The following AKR1D1 variants were observed in gnomAD, a reference collection of about 807,000 sequenced individuals.
AKR1D1 encodes the protein delta(4)-3-ketosteroid 5-beta-reductase.
In AKR1D1, 32 loss-of-function variants were observed where a neutral mutation model predicts 42.6. The observed-to-expected ratio is 0.75, with a 90% confidence interval of 0.57 to 1.01. AKR1D1 has a LOEUF of 1.01. Ranked by LOEUF, AKR1D1 falls within the 50% of genes least tolerant of loss-of-function variation. AKR1D1 has a pLI of 0.00. For synonymous variants in AKR1D1, 123 were observed against 135.5 expected, an observed-to-expected ratio of 0.91 and a Z score of 0.64; for missense variants, 364 against 402.2, an observed-to-expected ratio of 0.91 and a Z score of 0.81.
chr7:138,113,624 C>T (rs1585743906), intron 7 of AKR1D1, 66 bp from the exon 8 acceptor site: 17 of 1,350,632 alleles, frequency 1.3e-5, no homozygotes, highest in East Asian at 1.2e-4. Flanking sequence ...AGGCTCCCAC[C>T]GGTGGCCCCA....
intron 4 of AKR1D1, among the ~76,000 whole-genome samples, chr7:138,102,959 T>G (rs1053278496): frequency 6.6e-6 from 1 of 152,222 alleles, no homozygotes; most frequent in Non-Finnish European, 1.5e-5. Context: ...TAAACATTTA[T>G]CAGTATTCCA....
intron 3 of AKR1D1, among the ~76,000 whole-genome samples, 195 bp from the exon 4 acceptor site, chr7:138,097,671 C>A (rs1285831080): frequency 1.3e-5 from 2 of 152,160 alleles, no homozygotes; most frequent in Non-Finnish European, 2.9e-5. Context: ...AAGACAGGTA[C>A]TGGCATCCCA....
intron 8 of AKR1D1, among the ~76,000 whole-genome samples, chr7:138,114,754 C>A (rs932123866): frequency 2.6e-5 from 4 of 151,262 alleles, no homozygotes; most frequent in African/African-American, 9.7e-5. Context: ...CACACACATG[C>A]ATTTTTTTCT....
chr7:138,116,908 C>G lies in AKR1D1; in HGVS notation c.*246C>G, dbSNP rs1794645123. On this transcript the variant is annotated 3_prime_UTR_variant, in exon 9 of 9. Transcript: ENST00000242375. The stretch of plus-strand genomic sequence containing the variant: ...ACTAATTTTTTCAGATCAGTATCTT[C>G]TAGATTCCAGACAGAAAAAAATTAC... The G allele has an allele frequency of 4.2e-6, 2 of 477,012 alleles. No individual in the cohort carries two copies. The highest frequency in any genetic ancestry group is 7.1e-5 in the South Asian group (2 of 28,348). 29.5% of individuals were successfully genotyped at this position (477,012 alleles called of 1,614,324 possible).
intron 4 of AKR1D1, among the ~76,000 whole-genome samples, chr7:138,102,193 A>G (rs1350473093): frequency 6.6e-6 from 1 of 152,242 alleles, no homozygotes; most frequent in Non-Finnish European, 1.5e-5. Context: ...CCTGGGTGAC[A>G]GAGTGAGATT....
chr7:138,105,182 T>C (rs1312435632), intron 4 of AKR1D1, 125 bp from the exon 5 acceptor site: 1 of 1,362,406 alleles, frequency 7.3e-7, no homozygotes, highest in Non-Finnish European at 1.0e-6. Flanking sequence ...TTACTTTTTT[T>C]CGCAAGATGC....
intron 2 of AKR1D1, 138 bp downstream of exon 2, chr7:138,088,906 G>C: frequency 1.1e-6 from 1 of 910,464 alleles, no homozygotes. Flanking sequence ...GGGTTTGTTT[G>C]TTTGTTTGTT....
At chr7:138,076,648 T>C in intron 1 of AKR1D1, 37 bp downstream of exon 1, 2 of 1,542,780 alleles carry the variant, frequency 1.3e-6, no homozygotes, top group South Asian at 2.2e-5. Context: ...TGCTTGTTTG[T>C]TTCTTTTAAC....
At chr7:138,093,319 G>A (rs184735807) in intron 3 of AKR1D1, among the ~76,000 whole-genome samples, 106 of 152,126 alleles carry the variant, frequency 7.0e-4, no homozygotes, top group Admixed American at 9.8e-4. Flanking sequence ...CGCCCACCTC[G>A]GCCTCCCAAA....
chr7:138,076,800 T>A (rs900419297), intron 1 of AKR1D1, among the ~76,000 whole-genome samples, 189 bp downstream of exon 1: 1 of 152,162 alleles, frequency 6.6e-6, no homozygotes, highest in African/African-American at 2.4e-5. Flanking sequence ...TTAAACTAAA[T>A]CAATTCATGA....
intron 7 of AKR1D1, among the ~76,000 whole-genome samples, chr7:138,108,792 A>T (rs548764779): frequency 6.6e-6 from 1 of 152,286 alleles, no homozygotes; most frequent in South Asian, 2.1e-4. Flanking sequence ...ACATAAAGAG[A>T]GTGCATCTTA....
intron 1 of AKR1D1, among the ~76,000 whole-genome samples, chr7:138,080,164 G>C (rs943721065): frequency 6.6e-6 from 1 of 152,170 alleles, no homozygotes; most frequent in Non-Finnish European, 1.5e-5. Context: ...CCTTCTTAAT[G>C]CTTTTCCTAG....
intron 1 of AKR1D1, among the ~76,000 whole-genome samples, chr7:138,081,291 T>C (rs1803050438): frequency 1.3e-5 from 2 of 152,140 alleles, no homozygotes; most frequent in African/African-American, 4.8e-5. Flanking sequence ...TATCAGAAGA[T>C]GGTGTTTCCA....
At chr7:138,107,306 G>T in intron 6 of AKR1D1, 109 bp from the exon 7 acceptor site, 1 of 1,161,552 alleles carries the variant, frequency 8.6e-7, no homozygotes, top group Non-Finnish European at 1.3e-6. Context: ...GACCTGCAGT[G>T]TCCTGGTAGG....
intron 1 of AKR1D1, among the ~76,000 whole-genome samples, chr7:138,080,995 G>C (rs1803043672): frequency 6.6e-6 from 1 of 152,150 alleles, no homozygotes; most frequent in Non-Finnish European, 1.5e-5. Flanking sequence ...CCGTAATTGA[G>C]CTCAACAACT....
intron 8 of AKR1D1, among the ~76,000 whole-genome samples, chr7:138,115,755 T>C (rs776149714): frequency 3.3e-5 from 5 of 152,206 alleles, no homozygotes; most frequent in Non-Finnish European, 5.9e-5. Flanking sequence ...TGCAGAAAAC[T>C]AAATCAGGAA....
In AKR1D1 at chr7:138,118,256, A is replaced by C. The variant is rs768064014; in HGVS notation, c.*1594A>C. Among the ~76,000 whole-genome samples the C allele has an allele frequency of 6.6e-6, 1 of 152,210 alleles. No individual in the cohort carries two copies. The highest frequency in any genetic ancestry group is 1.5e-5 in the Non-Finnish European group (1 of 68,032). ...TATTACTTATAACACTGACCTCTGG[A>C]AAATATTTTGTTCACAAGAAATAAT... On this transcript the variant is annotated 3_prime_UTR_variant, in exon 9 of 9. Coordinates refer to ENST00000242375, the MANE Select transcript of AKR1D1 (RefSeq NM_005989.4).
At chr7:138,115,184 TG>T (rs1301951644) in intron 8 of AKR1D1, among the ~76,000 whole-genome samples, 6 of 152,210 alleles carry the variant, frequency 3.9e-5, no homozygotes, top group African/African-American at 1.4e-4. Flanking sequence ...GTCTCACATC[TG>T]TAATTCCAGC....
chr7:138,094,539 G>A (rs1191476305), intron 3 of AKR1D1, among the ~76,000 whole-genome samples: 3 of 151,934 alleles, frequency 2.0e-5, no homozygotes, highest in Non-Finnish European at 4.4e-5. Flanking sequence ...AAAAGAGTGG[G>A]GGGGCAGTCT....
Sources: allele counts gnomAD v4.1 joint callset (sites outside exome capture counted in the v4.1 genomes callset), GRCh38; gene constraint gnomAD v4.1.1; transcripts MANE v1.5; gene names NCBI Gene and HGNC (gene_info 2026-07-23, HGNC 2026-07-21).